Variants in KIAA1217 observed in about 807,000 individuals in gnomAD.
KIAA1217 encodes KIAA1217.
Under a neutral mutation model 163.9 loss-of-function variants are expected in KIAA1217, and 88 were observed. That is an observed-to-expected ratio of 0.54 (90% confidence interval 0.45 to 0.64). KIAA1217 has a LOEUF of 0.64. KIAA1217 is among the 30% of genes least tolerant of loss of function. The probability of loss-of-function intolerance (pLI) is 0.00; values close to 1 mark genes in which losing one functional copy is unlikely to be tolerated. For synonymous variants in KIAA1217, 903 were observed against 923.1 expected, an observed-to-expected ratio of 0.98 and a Z score of 0.39; for missense variants, 2,372 against 2,475.0, an observed-to-expected ratio of 0.96 and a Z score of 0.88.
rs1488592375 is a variant in KIAA1217, at chr10:23,818,349, A to ATAT, written c.-321+123115_-321+123116insTAT. 5.0e-4 allele frequency among the ~76,000 whole-genome samples: 63 copies of ATAT among 126,842 alleles called. 1 individual carries two copies. The highest frequency in any genetic ancestry group is 4.2e-3 in the Middle Eastern group (1 of 238). 83.2% of individuals were successfully genotyped at this position (126,842 alleles called of 152,430 possible). On this transcript the variant is annotated intron_variant, in intron 1 of 18. Coordinates refer to the KIAA1217 transcript ENST00000376462. Reference sequence around the variant, plus strand: ...TATATATTTTATATATATATATAAAAAAATATATATATATATATATATAGC... The same window carrying ATAT: ...TATATATTTTATATATATATATAAAATATAAATATATATATATATATATATAGC...
At chr10:24,237,316 T>C (rs1037732572) in intron 2 of KIAA1217, among the ~76,000 whole-genome samples, 1 of 152,252 alleles carries the variant, frequency 6.6e-6, no homozygotes, top group African/African-American at 2.4e-5. Flanking sequence ...TCAAGATCTC[T>C]CTGTCTTGAT....
At chr10:23,751,973 A>G (rs1839762641) in intron 1 of KIAA1217, among the ~76,000 whole-genome samples, 1 of 152,208 alleles carries the variant, frequency 6.6e-6, no homozygotes. Flanking sequence ...GTAGGTGGGT[A>G]TGTGGTATGA....
At chr10:23,854,532 G>A (rs1246033912) in intron 1 of KIAA1217, among the ~76,000 whole-genome samples, 13 of 152,182 alleles carry the variant, frequency 8.5e-5, no homozygotes, top group African/African-American at 2.2e-4. Flanking sequence ...TATTAGATCC[G>A]CTTGGTGCAG....
chr10:23,876,712 G>T (rs751396505), intron 1 of KIAA1217, among the ~76,000 whole-genome samples: 10 of 151,766 alleles, frequency 6.6e-5, no homozygotes, highest in South Asian at 2.1e-4. Flanking sequence ...AAGCCATCTT[G>T]CAGCAGTTGA....
Position 24,473,092 on chromosome 10 carries a change from T to C in KIAA1217, c.847-136T>C, listed in dbSNP as rs2133061071. Reference sequence around the variant, plus strand: ...CCCATCTGCAAAGTCTCTTTTGCCATGTAAGGAAACATATTCACAGATTCC... The same window carrying C: ...CCCATCTGCAAAGTCTCTTTTGCCACGTAAGGAAACATATTCACAGATTCC... On this transcript the variant is annotated intron_variant, in intron 5 of 20. Coordinates refer to ENST00000376454, the MANE Select transcript of KIAA1217 (RefSeq NM_019590.5). 15 of 592,164 alleles carry C rather than the reference T, an allele frequency of 2.5e-5. No individual in the cohort carries two copies. The South Asian group carries it at 4.3e-4, about 17-fold the overall frequency. 36.7% of individuals were successfully genotyped at this position (592,164 alleles called of 1,614,324 possible). A position where few individuals can be genotyped will look rare whatever the true frequency, so the allele number is the denominator to read the frequency against.
intron 8 of KIAA1217, among the ~76,000 whole-genome samples, chr10:24,499,531 G>A (rs535605612): frequency 2.6e-5 from 4 of 152,262 alleles, no homozygotes; most frequent in East Asian, 3.9e-4. Context: ...TCAGGAGTCC[G>A]AGACTAGCCT....
rs558215833 is a variant in KIAA1217 at position 24,533,336 on chromosome 10, G to A, written c.3414+99G>A. The A allele has an allele frequency of 5.8e-4, 700 of 1,200,518 alleles. 4 individuals carry two copies. Among genetic ancestry groups the A allele is most frequent in the Admixed American group, 1.7e-4 (7 of 41,154 alleles). The allele number at this position is 1,200,518 out of a possible 1,614,324, so 74.4% of individuals were successfully genotyped here. Reference sequence around the variant, plus strand: ...TTGTTAGCGAGAAGGCCAGGGAAGCGCATGGACCGGGACCATAGAAGCTGT... The same window carrying A: ...TTGTTAGCGAGAAGGCCAGGGAAGCACATGGACCGGGACCATAGAAGCTGT... On this transcript the variant is annotated intron_variant, in intron 16 of 20. Coordinates refer to ENST00000376454, the MANE Select transcript of KIAA1217 (RefSeq NM_019590.5).
At chr10:24,176,753 T>C (rs937879500) in intron 2 of KIAA1217, among the ~76,000 whole-genome samples, 2 of 152,192 alleles carry the variant, frequency 1.3e-5, no homozygotes, top group Non-Finnish European at 2.9e-5. Flanking sequence ...GGGTGATTGA[T>C]AGGACTAGGC....
At chr10:23,967,581 T>C (rs545921946) in intron 1 of KIAA1217, among the ~76,000 whole-genome samples, 25 of 152,214 alleles carry the variant, frequency 1.6e-4, no homozygotes, top group Admixed American at 3.3e-4. Flanking sequence ...ATTAGAATGC[T>C]AGGTAGTATT....
intron 2 of KIAA1217, among the ~76,000 whole-genome samples, chr10:24,151,641 A>C (rs567834932): frequency 2.9e-3 from 445 of 151,728 alleles, no homozygotes; most frequent in Non-Finnish European, 4.7e-3. Context: ...AGCTCAAGAA[A>C]CAGTATGGCC....
intron 2 of KIAA1217, among the ~76,000 whole-genome samples, chr10:24,174,216 C>T (rs907123587): frequency 1.3e-5 from 2 of 152,204 alleles, no homozygotes; most frequent in East Asian, 3.8e-4. Flanking sequence ...TACCCCTGCC[C>T]AGTATGACTC....
chr10:24,043,444 A>G (rs372327787), intron 2 of KIAA1217, among the ~76,000 whole-genome samples: 1 of 152,164 alleles, frequency 6.6e-6, no homozygotes. Flanking sequence ...TGTGCCCTGT[A>G]CTATTTCGAA....
chr10:24,026,742 ATTT>A, intron 2 of KIAA1217, among the ~76,000 whole-genome samples: 18,145 of 70,426 alleles, frequency 0.26, 1,405 homozygotes, highest in South Asian at 0.29. Flanking sequence ...TATTTCATTG[ATTT>A]TTTTTTTTTT....
intron 2 of KIAA1217, among the ~76,000 whole-genome samples, chr10:24,175,784 T>C (rs1233841525): frequency 6.6e-6 from 1 of 152,096 alleles, no homozygotes; most frequent in Non-Finnish European, 1.5e-5. Context: ...AGTGTTACAG[T>C]TCTTAAGGTG....
In KIAA1217 at chr10:23,925,810, A is replaced by G. The variant is rs377149599; in HGVS notation, c.-320-81415A>G. Among the ~76,000 whole-genome samples the G allele has an allele frequency of 1.3e-3, 202 of 152,290 alleles. 1 individual carries two copies. The highest frequency in any genetic ancestry group is 4.5e-3 in the African/African-American group (189 of 41,562). ...CAAGTAAATGAATTCCTACAAGCTTAGGGTCTGGGATCCAAAGAGGCCCAA... is the reference window on the plus strand; with the variant it reads ...CAAGTAAATGAATTCCTACAAGCTTGGGGTCTGGGATCCAAAGAGGCCCAA... On this transcript the variant is annotated intron_variant, in intron 1 of 18. Coordinates refer to the KIAA1217 transcript ENST00000376462.
chr10:23,837,776 A>G (rs953022245), intron 1 of KIAA1217, among the ~76,000 whole-genome samples: 15 of 152,058 alleles, frequency 9.9e-5, no homozygotes, highest in African/African-American at 3.6e-4. Flanking sequence ...CCTGGGCTCA[A>G]TTGATCCACC....
At chr10:23,965,676 C>A (rs959544605) in intron 1 of KIAA1217, among the ~76,000 whole-genome samples, 1 of 152,184 alleles carries the variant, frequency 6.6e-6, no homozygotes, top group Non-Finnish European at 1.5e-5. Flanking sequence ...AAAGGCATAG[C>A]AGTAAATGGA....
intron 1 of KIAA1217, among the ~76,000 whole-genome samples, chr10:23,721,506 A>G (rs781678106): frequency 2.6e-4 from 39 of 151,826 alleles, no homozygotes; most frequent in Non-Finnish European, 5.3e-4. Context: ...ATAAACTCCT[A>G]CAATTGCTTT....
At chr10:23,833,764 T>C (rs1276807605) in intron 1 of KIAA1217, among the ~76,000 whole-genome samples, 4 of 152,068 alleles carry the variant, frequency 2.6e-5, no homozygotes, top group Non-Finnish European at 4.4e-5. Flanking sequence ...TCTTCAAATG[T>C]TGCCTTGGTA....
Sources: allele counts gnomAD v4.1 joint callset (sites outside exome capture counted in the v4.1 genomes callset), GRCh38; gene constraint gnomAD v4.1.1; transcripts MANE v1.5; gene names NCBI Gene and HGNC (gene_info 2026-07-23, HGNC 2026-07-21).